Variants in ADAM12 observed in about 807,000 individuals in gnomAD.
The protein encoded by ADAM12 is ADAM metallopeptidase domain 12.
In ADAM12, 70 loss-of-function variants were observed where a neutral mutation model predicts 106.4. That is an observed-to-expected ratio of 0.66 (90% confidence interval 0.54 to 0.80). The LOEUF (loss-of-function observed/expected upper bound fraction) is 0.80, where lower values mean the gene tolerates loss of function less well. Ranked by LOEUF, ADAM12 falls within the 30% of genes least tolerant of loss-of-function variation. ADAM12 has a pLI of 0.00. For missense variants in ADAM12, 1,010 were observed against 1,171.9 expected, an observed-to-expected ratio of 0.86 and a Z score of 2.02; for synonymous variants, 420 against 433.5, an observed-to-expected ratio of 0.97 and a Z score of 0.39.
intron 1 of ADAM12, among the ~76,000 whole-genome samples, chr10:126,360,289 T>G (rs946530883): frequency 6.6e-6 from 1 of 152,198 alleles, no homozygotes; most frequent in East Asian, 1.9e-4. Context: ...TTATGCAAAT[T>G]TATGCAGCTG....
In ADAM12 at chr10:126,071,589, C is replaced by A. The variant is rs2133498755; in HGVS notation, c.1211G>T (p.Gly404Val). The change falls in exon 12 of 23, where the codon GGA becomes GTA. Residue 404 changes from glycine (G) to valine (V), a missense_variant. Physicochemically the swap from Gly to Val is moderately radical, Grantham distance 109 (BLOSUM62 -3). This residue lies in a region of ADAM12 where 615 missense variants were observed against 708.5 expected (regional missense o/e 0.87). Coordinates refer to ENST00000448723, the MANE Select transcript of ADAM12 (RefSeq NM_001288973.2). ...CAGGTTAAACAGGCACACCCCCATT[C>A]CTTTCTCCAGGCTGGTCTCCAAGTC... ...RKDLETSLEK[G>V]MGVCLFNLPE... The A allele has an allele frequency of 6.2e-7, 1 of 1,614,204 alleles. No homozygotes were observed. Among genetic ancestry groups the A allele is most frequent in the Non-Finnish European group, 8.5e-7 (1 of 1,180,030 alleles).
intron 1 of ADAM12, among the ~76,000 whole-genome samples, chr10:126,369,758 TTAAC>T (rs1485742407): frequency 2.0e-5 from 3 of 152,168 alleles, no homozygotes; most frequent in Non-Finnish European, 1.5e-5. Flanking sequence ...GATTATCTAA[TTAAC>T]TCACTGTGCT....
intron 8 of ADAM12, among the ~76,000 whole-genome samples, chr10:126,107,488 CTG>C (rs1262886298): frequency 2.6e-5 from 4 of 152,168 alleles, no homozygotes; most frequent in Non-Finnish European, 2.9e-5. Context: ...CTTCATTTTT[CTG>C]AAAACTTAGA....
At chr10:126,201,204 C>T (rs11244882) in intron 3 of ADAM12, among the ~76,000 whole-genome samples, 248 of 152,262 alleles carry the variant, frequency 1.6e-3, no homozygotes, top group Middle Eastern at 3.4e-3. Context: ...TCCTACTTCC[C>T]GGCACCTGTG....
At chr10:126,351,374 G>A (rs542714755) in intron 1 of ADAM12, among the ~76,000 whole-genome samples, 1 of 152,254 alleles carries the variant, frequency 6.6e-6, no homozygotes, top group African/African-American at 2.4e-5. Context: ...GGCCTCACTG[G>A]TGGTCACCAT....
At chr10:126,019,557 T>C (rs1270114895) in intron 22 of ADAM12, 138 bp downstream of exon 22, 19 of 1,151,342 alleles carry the variant, frequency 1.7e-5, no homozygotes, top group Non-Finnish European at 2.3e-5. Context: ...GTCATGTCTA[T>C]TTTACGGTAT....
chr10:126,022,669 C>T (rs1953790466), intron 21 of ADAM12, among the ~76,000 whole-genome samples: 1 of 152,224 alleles, frequency 6.6e-6, no homozygotes, highest in Non-Finnish European at 1.5e-5. Flanking sequence ...GAACCTCTCC[C>T]AGAGAAGTCC....
At chr10:126,067,069 C>T (rs769609605) in intron 12 of ADAM12, 8 of 443,774 alleles carry the variant, frequency 1.8e-5, no homozygotes, top group South Asian at 1.4e-4. Flanking sequence ...ATAGGCTGGC[C>T]GGCTGGGGAC....
chr10:126,339,963 T>C (rs1030705479), intron 1 of ADAM12, among the ~76,000 whole-genome samples: 6 of 148,764 alleles, frequency 4.0e-5, no homozygotes, highest in African/African-American at 1.2e-4. Flanking sequence ...CAAGCGATTC[T>C]CCTGCTTCAG....
At chr10:126,165,678 G>A (rs1353703658) in intron 3 of ADAM12, among the ~76,000 whole-genome samples, 1 of 152,170 alleles carries the variant, frequency 6.6e-6, no homozygotes, top group African/African-American at 2.4e-5. Context: ...TTCCCAGGAA[G>A]CAGCATCAGC....
chr10:126,122,572 A>G (rs1956134514), intron 5 of ADAM12, among the ~76,000 whole-genome samples: 1 of 152,142 alleles, frequency 6.6e-6, no homozygotes, highest in Admixed American at 6.5e-5. Flanking sequence ...GACCAGCCGG[A>G]CAACATGGCG....
chr10:126,303,037 G>C (rs1960690911), intron 2 of ADAM12, among the ~76,000 whole-genome samples: 1 of 152,180 alleles, frequency 6.6e-6, no homozygotes, highest in South Asian at 2.1e-4. Context: ...TGCCTGGGAG[G>C]ACACTGACAC....
At chr10:126,192,130 T>C (rs1957513682) in intron 3 of ADAM12, among the ~76,000 whole-genome samples, 2 of 152,190 alleles carry the variant, frequency 1.3e-5, no homozygotes, top group African/African-American at 4.8e-5. Flanking sequence ...ACATAAGATT[T>C]GGGTGGGGAC....
At chr10:126,225,407 A>G (rs576496533) in intron 3 of ADAM12, among the ~76,000 whole-genome samples, 7 of 151,880 alleles carry the variant, frequency 4.6e-5, no homozygotes, top group Non-Finnish European at 7.4e-5. Context: ...CGGTGAGGAA[A>G]CACGCCCAGA....
At chr10:126,141,317 T>G (rs1472108308) in intron 4 of ADAM12, among the ~76,000 whole-genome samples, 1 of 152,162 alleles carries the variant, frequency 6.6e-6, no homozygotes, top group Non-Finnish European at 1.5e-5. Context: ...CACCCTTATG[T>G]CTCTAAAGAC....
chr10:126,027,363 C>T (rs1310715449), intron 21 of ADAM12, among the ~76,000 whole-genome samples: 3 of 152,158 alleles, frequency 2.0e-5, no homozygotes, highest in South Asian at 2.1e-4. Context: ...AGACTCCTCT[C>T]TAACTCATTC....
At chr10:126,087,932 C>A (rs756537187) in intron 11 of ADAM12, among the ~76,000 whole-genome samples, 1 of 152,178 alleles carries the variant, frequency 6.6e-6, no homozygotes, top group Non-Finnish European at 1.5e-5. Context: ...TTTCAGGGAG[C>A]GGTCTGCCCA....
chr10:126,122,747 G>C (rs1419126373), intron 5 of ADAM12, among the ~76,000 whole-genome samples: 2 of 152,104 alleles, frequency 1.3e-5, no homozygotes, highest in Non-Finnish European at 2.9e-5. Context: ...GTGACAGAAC[G>C]AGAGTCCCTC....
chr10:126,093,878 C>T (rs1955508766), intron 11 of ADAM12, 107 bp downstream of exon 11: 2 of 1,517,310 alleles, frequency 1.3e-6, no homozygotes, highest in African/African-American at 1.4e-5. Flanking sequence ...TGGAAGCTTC[C>T]CTGGGTGCTC....
Sources: allele counts gnomAD v4.1 joint callset (sites outside exome capture counted in the v4.1 genomes callset), GRCh38; gene constraint gnomAD v4.1.1; regional missense constraint gnomAD v4.1.1; transcripts MANE v1.5; gene names NCBI Gene and HGNC (gene_info 2026-07-23, HGNC 2026-07-21).